The following NMRK1 variants were observed in gnomAD, a reference collection of about 807,000 sequenced individuals.
NMRK1 encodes NRK 1.
A neutral mutation model predicts 29.9 loss-of-function variants in NMRK1; 28 were observed. That is an observed-to-expected ratio of 0.94 (90% confidence interval 0.69 to 1.28). The LOEUF (loss-of-function observed/expected upper bound fraction) is 1.28. Among genes scored for constraint, NMRK1 ranks in the 50% most tolerant of loss-of-function variants. The pLI is 0.00. For synonymous variants in NMRK1, 58 were observed against 73.0 expected, an observed-to-expected ratio of 0.79 and a Z score of 1.05; for missense variants, 218 against 233.1, an observed-to-expected ratio of 0.94 and a Z score of 0.42.
chr9:75,071,365 T>G (rs1008182655), intron 4 of NMRK1, among the ~76,000 whole-genome samples: 3 of 152,256 alleles, frequency 2.0e-5, no homozygotes, highest in African/African-American at 7.2e-5. Context: ...CTTCTATTTC[T>G]TTACTGAGGC....
chr9:75,064,534 C>T (rs558503237), intron 8 of NMRK1, among the ~76,000 whole-genome samples: 4 of 152,238 alleles, frequency 2.6e-5, no homozygotes, highest in South Asian at 2.1e-4. Flanking sequence ...CAGGAGTGGG[C>T]GGGCATATCT....
At chr9:75,085,952 A>G (rs1345867382) in intron 1 of NMRK1, among the ~76,000 whole-genome samples, 1 of 150,004 alleles carries the variant, frequency 6.7e-6, no homozygotes, top group African/African-American at 2.5e-5. Flanking sequence ...TGGGCCTAGC[A>G]ATCCCTGAAG....
chr9:75,069,607 C>T, intron 6 of NMRK1, 135 bp downstream of exon 6: 1 of 708,674 alleles, frequency 1.4e-6, no homozygotes. Context: ...AGTTTTGCTC[C>T]TTTTGTAAAA....
Position 75,077,552 on chromosome 9 carries a change from C to A in NMRK1, c.58G>T (p.Ala20Ser). 2 of 1,613,566 alleles carry A rather than the reference C, an allele frequency of 1.2e-6. No individual in the cohort carries two copies. Among genetic ancestry groups the A allele is most frequent in the Non-Finnish European group, 1.7e-6 (2 of 1,179,616 alleles). ...GVTNSGKTTL[A>S]KNLQKHLPNC... ...GGGAGGTGTTTCTGCAAATTCTTAGCCAGTGTTGTTTTGCCACTGTTTGTC... is the reference window on the plus strand; with the variant it reads ...GGGAGGTGTTTCTGCAAATTCTTAGACAGTGTTGTTTTGCCACTGTTTGTC... Residue 20 changes from alanine to serine, a missense_variant, in exon 3 of 9, where the codon GCT becomes TCT. By Grantham distance (99) the Ala-to-Ser change is moderately conservative. Coordinates refer to ENST00000361092, the MANE Select transcript of NMRK1 (RefSeq NM_017881.3).
rs201765490 is a variant in NMRK1 at position 75,061,522 on chromosome 9, C to A, written c.*26G>T. The A allele has an allele frequency of 1.4e-4, 220 of 1,597,972 alleles. 2 individuals are homozygous for A. In the East Asian group the frequency reaches 4.4e-3, roughly 32 times the overall value. On this transcript the variant is annotated 3_prime_UTR_variant, in exon 9 of 9. Coordinates refer to ENST00000361092, the MANE Select transcript of NMRK1 (RefSeq NM_017881.3). The stretch of plus-strand genomic sequence containing the variant: ...CTCCTTGGAGTTTCCTAATTCACTT[C>A]AGGAAGGATTTGTTGTGTTCCGTCT...
intron 1 of NMRK1, among the ~76,000 whole-genome samples, chr9:75,085,347 A>T (rs1824555693): frequency 6.6e-6 from 1 of 152,206 alleles, no homozygotes; most frequent in Admixed American, 6.5e-5. Context: ...AAACTAAACC[A>T]ATTGAGCTGA....
chr9:75,066,128 G>A (rs1417340482), intron 8 of NMRK1: 1 of 329,854 alleles, frequency 3.0e-6, no homozygotes, highest in Non-Finnish European at 6.0e-6. Context: ...ACCTTCAGCA[G>A]TAGGATATAA....
chr9:75,087,846 C>A (rs575084231), intron 1 of NMRK1, 162 bp downstream of exon 1: 1 of 152,322 alleles, frequency 6.6e-6, no homozygotes. Context: ...TACACGTCCT[C>A]CTCGGCAGGC....
At chr9:75,068,883 A>G (rs895690162) in intron 7 of NMRK1, 113 bp downstream of exon 7, 1 of 648,168 alleles carries the variant, frequency 1.5e-6, no homozygotes, top group Non-Finnish European at 2.7e-6. Flanking sequence ...GGAGAAGCCC[A>G]GAGTGTTCTT....
chr9:75,070,535 C>T (rs962683655), intron 4 of NMRK1, among the ~76,000 whole-genome samples: 2 of 152,126 alleles, frequency 1.3e-5, no homozygotes, highest in Non-Finnish European at 2.9e-5. Context: ...GTAAAGAACA[C>T]AAATATGTCA....
intron 2 of NMRK1, chr9:75,078,551 A>G: frequency 7.8e-7 from 1 of 1,278,690 alleles, no homozygotes. Flanking sequence ...TCAGTCATTT[A>G]TTGAAAGCGT....
At chr9:75,068,804 G>A (rs1823519975) in intron 7 of NMRK1, among the ~76,000 whole-genome samples, 192 bp downstream of exon 7, 1 of 152,186 alleles carries the variant, frequency 6.6e-6, no homozygotes, top group South Asian at 2.1e-4. Flanking sequence ...CTGGTTGAAT[G>A]AATAACCATC....
In NMRK1 at chr9:75,069,820, T is replaced by C. The variant is rs756317050; in HGVS notation, c.318-7A>G. 1 of 1,612,600 alleles carries C rather than the reference T, an allele frequency of 6.2e-7. No homozygotes were observed. The highest frequency in any genetic ancestry group is 1.1e-5 in the South Asian group (1 of 90,750). ...CCATATAGTGTCAAGGGGCCTAAAA[T>C]AACAGCATACTTAGTTCACAAGGGT... is the stretch of plus-strand genomic sequence containing the variant. On this transcript the variant is annotated splice_polypyrimidine_tract_variant and splice_region_variant and intron_variant, in intron 5 of 8. Transcript: ENST00000361092.
intron 3 of NMRK1, 127 bp downstream of exon 3, chr9:75,077,363 T>C (rs1458554143): frequency 2.3e-6 from 2 of 858,558 alleles, no homozygotes; most frequent in African/African-American, 3.4e-5. Flanking sequence ...AGTAACACCA[T>C]TGCACTGAGC....
At position 75,077,176 on chromosome 9, in the gene NMRK1, C is replaced by A; in HGVS notation, c.152G>T (p.Gly51Val). 6.3e-7 allele frequency: 1 copy of A among 1,593,300 alleles called. No individual in the cohort carries two copies. Residue 51 changes from glycine (G) to valine (V), a missense_variant, in exon 4 of 9, where the codon GGA becomes GTA. Transcript: ENST00000361092. ...CTACTTACCATCGTACTGCAAAAAT[C>A]CATTTTTATCTGTCTCTATCTCAGA... The part of the protein sequence containing the change: ...PESEIETDKN[G>V]FLQYDVLEAL...
intron 3 of NMRK1, 90 bp from the exon 4 acceptor site, chr9:75,077,297 T>C: frequency 1.0e-6 from 1 of 972,864 alleles, no homozygotes; most frequent in Non-Finnish European, 1.6e-6. Flanking sequence ...CTTTAATAAA[T>C]GCTTTGGATG....
chr9:75,086,213 A>G (rs1333688717), intron 1 of NMRK1, among the ~76,000 whole-genome samples: 1 of 152,144 alleles, frequency 6.6e-6, no homozygotes, highest in African/African-American at 2.4e-5. Flanking sequence ...GCCTCCCATA[A>G]AACCAAAAAC....
chr9:75,074,969 A>T (rs968183609), intron 4 of NMRK1, among the ~76,000 whole-genome samples: 3 of 152,220 alleles, frequency 2.0e-5, no homozygotes, highest in African/African-American at 7.2e-5. Context: ...TTCCAGAAAG[A>T]CTGTACCAAT....
intron 6 of NMRK1, chr9:75,069,501 G>T: frequency 2.0e-6 from 1 of 509,922 alleles, no homozygotes; most frequent in South Asian, 2.4e-5. Context: ...TGCTTTGTTT[G>T]AGGATTTAGG....
Sources: gnomAD v4.1 joint callset for allele counts (sites outside exome capture counted in the v4.1 genomes callset) on GRCh38, gnomAD v4.1.1 for gene constraint, MANE v1.5 for transcripts, NCBI Gene and HGNC (gene_info 2026-07-23, HGNC 2026-07-21) for gene names.